KALRN: variants seen among roughly 807,000 people sequenced by gnomAD.
KALRN encodes kalirin.
KALRN carries 70 observed loss-of-function variants against 353.7 expected under a neutral mutation model. The ratio of observed to expected loss-of-function variants is 0.20; its 90% CI spans 0.16 to 0.24. The LOEUF (loss-of-function observed/expected upper bound fraction) is 0.24. KALRN is among the 10% of genes least tolerant of loss of function. The probability of loss-of-function intolerance (pLI) is 1.00; values close to 1 mark genes in which losing one functional copy is unlikely to be tolerated. For missense variants in KALRN, 2,791 were observed against 3,756.7 expected (o/e 0.74, Z 6.72); for synonymous variants, 1,391 against 1,434.8 (o/e 0.97, Z 0.69).
At chr3:124,624,307 G>A (rs2079681686) in intron 34 of KALRN, among the ~76,000 whole-genome samples, 2 of 152,222 alleles carry the variant, frequency 1.3e-5, no homozygotes, top group Admixed American at 1.3e-4. Context: ...CGCAAGAGTA[G>A]TGATGCTGGC....
intron 13 of KALRN, among the ~76,000 whole-genome samples, chr3:124,399,397 C>T (rs142733430): frequency 2.8e-4 from 43 of 152,306 alleles, no homozygotes; most frequent in African/African-American, 9.6e-4. Context: ...CTCAGCCTTC[C>T]AAAGTGCTGG....
chr3:124,439,495 G>A (rs1200809177), intron 18 of KALRN, among the ~76,000 whole-genome samples: 13 of 151,898 alleles, frequency 8.6e-5, no homozygotes, highest in Admixed American at 8.5e-4. Flanking sequence ...AGTTGTGTTT[G>A]GCTAATTAAA....
intron 1 of KALRN, among the ~76,000 whole-genome samples, chr3:124,204,446 G>C (rs2076229136): frequency 6.6e-6 from 1 of 152,152 alleles, no homozygotes; most frequent in Non-Finnish European, 1.5e-5. Flanking sequence ...CATGTGGAGT[G>C]TTTACTTTAA....
intron 6 of KALRN, among the ~76,000 whole-genome samples, chr3:124,325,085 G>A (rs950654051): frequency 6.6e-6 from 1 of 152,080 alleles, no homozygotes; most frequent in Non-Finnish European, 1.5e-5. Context: ...TTTTTCTTTT[G>A]TCTCGTTCCT....
intron 1 of KALRN, among the ~76,000 whole-genome samples, chr3:124,225,383 A>G (rs989393700): frequency 1.3e-5 from 2 of 152,238 alleles, no homozygotes; most frequent in African/African-American, 2.4e-5. Flanking sequence ...GTAATTGGAA[A>G]TGATTGTCCC....
intron 25 of KALRN, among the ~76,000 whole-genome samples, chr3:124,470,371 A>G (rs1005282450): frequency 4.6e-5 from 7 of 152,204 alleles, no homozygotes; most frequent in Non-Finnish European, 1.0e-4. Flanking sequence ...GTAGAATAAT[A>G]TGGATCAGAC....
At chr3:124,593,337 T>C (rs1351105565) in intron 34 of KALRN, among the ~76,000 whole-genome samples, 1 of 152,202 alleles carries the variant, frequency 6.6e-6, no homozygotes, top group Non-Finnish European at 1.5e-5. Context: ...TCTCAAAGTG[T>C]GGTCACCTGG....
At chr3:124,276,704 G>A (rs1246915007) in intron 5 of KALRN, among the ~76,000 whole-genome samples, 1 of 152,192 alleles carries the variant, frequency 6.6e-6, no homozygotes, top group East Asian at 1.9e-4. Context: ...TTCTGGCCCA[G>A]CCCTTCCTTT....
intron 1 of KALRN, among the ~76,000 whole-genome samples, chr3:124,095,570 A>G (rs1344838957): frequency 6.6e-6 from 1 of 152,206 alleles, no homozygotes; most frequent in East Asian, 1.9e-4. Flanking sequence ...GATTATCTAC[A>G]GATACAGCCG....
chr3:124,152,111 C>T, intron 1 of KALRN: 1 of 1,275,916 alleles, frequency 7.8e-7, no homozygotes, highest in Non-Finnish European at 1.1e-6. Context: ...GAAGCGTTTT[C>T]CAACATTATA....
chr3:124,286,346 G>T (rs2075906242), intron 5 of KALRN, among the ~76,000 whole-genome samples: 1 of 149,680 alleles, frequency 6.7e-6, no homozygotes, highest in South Asian at 2.1e-4. Flanking sequence ...CTGGTTTCAA[G>T]CAATTCTCCC....
At chr3:124,573,950 G>A (rs1203662084) in intron 34 of KALRN, among the ~76,000 whole-genome samples, 1 of 152,182 alleles carries the variant, frequency 6.6e-6, no homozygotes, top group African/African-American at 2.4e-5. Flanking sequence ...CATTAATTCT[G>A]TGGTACTTGA....
At chr3:124,106,054 A>G (rs2062276853) in intron 1 of KALRN, among the ~76,000 whole-genome samples, 1 of 152,228 alleles carries the variant, frequency 6.6e-6, no homozygotes, top group South Asian at 2.1e-4. Context: ...CAGACAATAC[A>G]CAAGTCAAAG....
intron 57 of KALRN, among the ~76,000 whole-genome samples, chr3:124,703,727 A>G (rs901554130): frequency 2.0e-5 from 3 of 152,184 alleles, no homozygotes; most frequent in Admixed American, 2.0e-4. Context: ...TGCACCCTCA[A>G]TCTCCTAAGA....
Position 124,694,427 on chromosome 3 carries a change from A to G in KALRN, c.7501A>G (p.Thr2501Ala), listed in dbSNP as rs1195538624. The change falls in exon 53 of 60, where the codon ACC becomes GCC. Residue 2501 changes from threonine to alanine, a missense_variant. Physicochemically the swap from Thr to Ala is moderately conservative, Grantham distance 58. This residue lies in a region of KALRN where 1,065 missense variants were observed against 1,156.4 expected (regional missense o/e 0.92). Transcript: ENST00000682506. ...QCKVCGRPKP[T>A]ITWKGPDQNI... ...CAAAGTCTGTGGGCGGCCAAAGCCC[A>G]CCATCACTTGGAAGGGTCCAGACCA... The G allele has an allele frequency of 6.2e-7, 1 of 1,614,174 alleles. No homozygotes were observed. Among genetic ancestry groups the G allele is most frequent in the Non-Finnish European group, 8.5e-7 (1 of 1,180,006 alleles).
chr3:124,660,971 G>A lies in KALRN; in HGVS notation c.6265G>A (p.Glu2089Lys), dbSNP rs1248246339. ...EKAGLECSDI[E>K]KAVELMCLVP... ...GGCTGGTTTGGAGTGTTCAGATATT[G>A]AGGTGAGTTTTCTGCTTGTAATGCT... Residue 2089 changes from glutamate to lysine, a missense_variant and splice_region_variant, in exon 44 of 60, where the codon GAG (glutamate) becomes AAG (lysine). Physicochemically the swap from Glu to Lys is moderately conservative, Grantham distance 56. Transcript: ENST00000682506. 5.0e-6 allele frequency: 8 copies of A among 1,601,278 alleles called. No individual in the cohort carries two copies. The highest frequency in any genetic ancestry group is 1.1e-5 in the South Asian group (1 of 90,832).
At chr3:124,373,403 T>C (rs1017181952) in intron 10 of KALRN, among the ~76,000 whole-genome samples, 2 of 152,322 alleles carry the variant, frequency 1.3e-5, no homozygotes. Flanking sequence ...TGCTAAGCAT[T>C]CTACAGTGCA....
At chr3:124,545,421 G>C (rs2069518423) in intron 33 of KALRN, among the ~76,000 whole-genome samples, 1 of 152,150 alleles carries the variant, frequency 6.6e-6, no homozygotes, top group South Asian at 2.1e-4. Flanking sequence ...AATTTCAAGG[G>C]TCCCTGATGT....
At chr3:124,565,240 C>T (rs2072660249) in intron 34 of KALRN, among the ~76,000 whole-genome samples, 1 of 152,206 alleles carries the variant, frequency 6.6e-6, no homozygotes, top group South Asian at 2.1e-4. Flanking sequence ...GTGCCCTCCA[C>T]TCCCAATTTA....
Sources: gnomAD v4.1 joint callset for allele counts (sites outside exome capture counted in the v4.1 genomes callset) on GRCh38, gnomAD v4.1.1 for gene constraint, gnomAD v4.1.1 regional missense constraint, MANE v1.5 for transcripts, NCBI Gene and HGNC (gene_info 2026-07-23, HGNC 2026-07-21) for gene names.